Variants in DOCK2 observed in about 807,000 individuals in gnomAD.
DOCK2 encodes dedicator of cytokinesis 2, also known as dedicator of cytokinesis protein 2.
In DOCK2, 87 loss-of-function variants were observed where a neutral mutation model predicts 248.9. The observed-to-expected ratio is 0.35, with a 90% confidence interval of 0.29 to 0.42. The LOEUF (loss-of-function observed/expected upper bound fraction) is 0.42. DOCK2 is among the 10% of genes least tolerant of loss of function. The pLI is 1.00. For missense variants in DOCK2, 1,747 were observed against 2,300.2 expected, an observed-to-expected ratio of 0.76 and a Z score of 4.92; for synonymous variants, 805 against 821.6, an observed-to-expected ratio of 0.98 and a Z score of 0.35.
chr5:169,792,487 AT>A (rs1766404365), intron 25 of DOCK2, among the ~76,000 whole-genome samples: 1 of 151,584 alleles, frequency 6.6e-6, no homozygotes, highest in African/African-American at 2.4e-5. Context: ...ATACGTAAAT[AT>A]TTTTTAAAGA....
chr5:169,970,462 G>C (rs1777462599), intron 27 of DOCK2, among the ~76,000 whole-genome samples: 1 of 152,204 alleles, frequency 6.6e-6, no homozygotes, highest in Non-Finnish European at 1.5e-5. Flanking sequence ...GGAAGGTCAG[G>C]GGACTGCTGT....
At chr5:169,981,825 T>G (rs1244455346) in intron 27 of DOCK2, among the ~76,000 whole-genome samples, 1 of 152,226 alleles carries the variant, frequency 6.6e-6, no homozygotes, top group Admixed American at 6.5e-5. Flanking sequence ...TTATATTTTT[T>G]TAAACATAAT....
intron 2 of DOCK2, among the ~76,000 whole-genome samples, chr5:169,664,101 G>T (rs1253000899): frequency 6.6e-6 from 1 of 152,186 alleles, no homozygotes; most frequent in Non-Finnish European, 1.5e-5. Flanking sequence ...ATGCTATGCT[G>T]CTTAGAAATT....
At chr5:169,812,521 G>A (rs1444891821) in intron 26 of DOCK2, among the ~76,000 whole-genome samples, 3 of 152,142 alleles carry the variant, frequency 2.0e-5, no homozygotes, top group Non-Finnish European at 4.4e-5. Flanking sequence ...CCCACCATCC[G>A]TTTTGTGAAA....
chr5:169,765,771 A>C (rs1764747979), intron 25 of DOCK2, among the ~76,000 whole-genome samples: 1 of 151,132 alleles, frequency 6.6e-6, no homozygotes, highest in African/African-American at 2.4e-5. Context: ...AAGCTCTTTC[A>C]ATGTTTATTT....
At chr5:169,979,426 T>G (rs551957516) in intron 27 of DOCK2, among the ~76,000 whole-genome samples, 27 of 152,246 alleles carry the variant, frequency 1.8e-4, no homozygotes, top group African/African-American at 6.5e-4. Flanking sequence ...GAGACACACA[T>G]CAGAGAAGCA....
At chr5:169,864,212 T>A in intron 27 of DOCK2, 1 of 1,416,956 alleles carries the variant, frequency 7.1e-7, no homozygotes, top group Non-Finnish European at 9.8e-7. Context: ...TTAAGTGCAG[T>A]GGATTTCCCA....
At chr5:169,786,431 C>T (rs1246390285) in intron 25 of DOCK2, among the ~76,000 whole-genome samples, 1 of 152,006 alleles carries the variant, frequency 6.6e-6, no homozygotes, top group African/African-American at 2.4e-5. Context: ...TGTTGACTGG[C>T]GTGGATCTTG....
At chr5:169,824,629 G>C (rs541150472) in intron 26 of DOCK2, among the ~76,000 whole-genome samples, 1 of 152,234 alleles carries the variant, frequency 6.6e-6, no homozygotes, top group East Asian at 1.9e-4. Flanking sequence ...AATTCAAGAT[G>C]GTTTGAAGAC....
chr5:170,069,331 C>T (rs1757602607), intron 46 of DOCK2, 111 bp downstream of exon 46: 1 of 1,085,778 alleles, frequency 9.2e-7, no homozygotes, highest in Non-Finnish European at 1.4e-6. Flanking sequence ...CACATGCCCT[C>T]CTGTCCCTTG....
chr5:169,750,558 T>C (rs1763844395), intron 23 of DOCK2, among the ~76,000 whole-genome samples: 1 of 152,256 alleles, frequency 6.6e-6, no homozygotes, highest in Admixed American at 6.5e-5. Flanking sequence ...ATTATGGTTT[T>C]GGCATAAGTC....
chr5:169,795,294 A>T (rs977064772), intron 25 of DOCK2, among the ~76,000 whole-genome samples: 2 of 152,184 alleles, frequency 1.3e-5, no homozygotes, highest in African/African-American at 4.8e-5. Context: ...CTTCTAAGAT[A>T]CCTGGAGAGA....
chr5:169,968,141 C>T (rs1407969727), intron 27 of DOCK2, among the ~76,000 whole-genome samples: 4 of 152,208 alleles, frequency 2.6e-5, no homozygotes, highest in South Asian at 4.1e-4. Flanking sequence ...AAGCTGACAA[C>T]ACTTTGTAAT....
Position 169,801,146 on chromosome 5 carries a change from G to GTTT in DOCK2, c.2555-1879_2555-1877dup, listed in dbSNP as rs60574755. On this transcript the variant is annotated intron_variant, in intron 25 of 51. Coordinates refer to ENST00000520908, the MANE Select transcript of DOCK2 (RefSeq NM_004946.3). ...TGCCACCATGCCCAGATAGTTTTGG[G>GTTT]TTTTTTTTTTTTTTTTTTTTTTTTT... Among the ~76,000 whole-genome samples the GTTT allele has an allele frequency of 1.2e-3, 91 of 76,058 alleles. 3 individuals are homozygous for GTTT. Among genetic ancestry groups the GTTT allele is most frequent in the Non-Finnish European group, 2.1e-3 (77 of 35,916 alleles). 49.9% of individuals were successfully genotyped at this position (76,058 alleles called of 152,430 possible).
intron 49 of DOCK2, 179 bp from the exon 50 acceptor site, chr5:170,079,984 T>A: frequency 1.7e-4 from 164 of 963,180 alleles, no homozygotes; most frequent in Non-Finnish European, 2.2e-4. Context: ...GTGTGCAACC[T>A]GTGCAACCAT....
intron 26 of DOCK2, among the ~76,000 whole-genome samples, chr5:169,826,935 C>T (rs543966039): frequency 1.3e-5 from 2 of 148,372 alleles, no homozygotes; most frequent in Non-Finnish European, 3.0e-5. Context: ...TCCTATGCTG[C>T]TAATACACTG....
At chr5:170,074,438 G>A (rs1164320103) in intron 46 of DOCK2, among the ~76,000 whole-genome samples, 1 of 151,618 alleles carries the variant, frequency 6.6e-6, no homozygotes, top group Non-Finnish European at 1.5e-5. Context: ...CTGAGTACAA[G>A]AGAGAGGGCC....
At chr5:169,775,647 C>A (rs1219780802) in intron 25 of DOCK2, among the ~76,000 whole-genome samples, 1 of 151,558 alleles carries the variant, frequency 6.6e-6, no homozygotes, top group Admixed American at 6.6e-5. Context: ...AATATGATAA[C>A]TTATAAGTTA....
chr5:169,668,535 C>T (rs1023140565), intron 2 of DOCK2, among the ~76,000 whole-genome samples: 2 of 152,198 alleles, frequency 1.3e-5, no homozygotes, highest in African/African-American at 2.4e-5. Flanking sequence ...CTGACAGACG[C>T]GTTTTATTTA....
Sources: allele counts gnomAD v4.1 joint callset (sites outside exome capture counted in the v4.1 genomes callset), GRCh38; gene constraint gnomAD v4.1.1; transcripts MANE v1.5; gene names NCBI Gene and HGNC (gene_info 2026-07-23, HGNC 2026-07-21).